PEMT: variants seen among roughly 807,000 people sequenced by gnomAD.
The protein encoded by PEMT is phospholipid methyltransferase.
In PEMT, 23 loss-of-function variants were observed where a neutral mutation model predicts 27.4. The ratio of observed to expected loss-of-function variants is 0.84; its 90% CI spans 0.60 to 1.19. The LOEUF is 1.19. PEMT is among the 50% of genes most tolerant of loss of function. The probability of loss-of-function intolerance (pLI) is 0.00; values close to 1 mark genes in which losing one functional copy is unlikely to be tolerated. For synonymous variants in PEMT, 137 were observed against 139.1 expected, an observed-to-expected ratio of 0.98 and a Z score of 0.11; for missense variants, 307 against 310.1, an observed-to-expected ratio of 0.99 and a Z score of 0.07.
chr17:17,578,801 T>C (rs1323782589), intron 1 of PEMT: 3 of 151,910 alleles, frequency 2.0e-5, no homozygotes, highest in African/African-American at 4.8e-5. Context: ...AGGGGAAGGA[T>C]AGCATTAGGA....
In PEMT at chr17:17,549,242, T is replaced by A. The variant is rs186162299; in HGVS notation, c.205-26847A>T. Among the ~76,000 whole-genome samples the A allele has an allele frequency of 5.9e-5, 9 of 152,214 alleles. No homozygotes were observed. In the East Asian group the frequency reaches 1.7e-3, roughly 29 times the overall value. On this transcript the variant is annotated intron_variant, in intron 2 of 6. Coordinates refer to ENST00000255389, the MANE Select transcript of PEMT (RefSeq NM_148172.3). ...TCTCACTCTGTCGCCCAGGCTGGAG[T>A]GCAGTGGCACAATCTTGGCTCACTG...
chr17:17,567,564 G>A (rs968121294), intron 2 of PEMT, among the ~76,000 whole-genome samples: 1 of 152,272 alleles, frequency 6.6e-6, no homozygotes, highest in African/African-American at 2.4e-5. Flanking sequence ...ACATCAAGGG[G>A]CCAGGGGAGT....
chr17:17,509,299 G>A (rs1455182830), intron 5 of PEMT, 135 bp downstream of exon 5: 1 of 620,572 alleles, frequency 1.6e-6, no homozygotes, highest in African/African-American at 1.9e-5. Context: ...GAGAACCAGG[G>A]CGCCTAGGCC....
chr17:17,588,006 C>T (rs540214818), intron 1 of PEMT, among the ~76,000 whole-genome samples: 1 of 152,346 alleles, frequency 6.6e-6, no homozygotes, highest in Admixed American at 6.5e-5. Flanking sequence ...AGCCAGAGAT[C>T]ACCCCAGGAA....
chr17:17,521,752 A>T lies in PEMT; in HGVS notation c.320+528T>A, dbSNP rs191217421. ...CGGCTAATTTTTGTATTTTTAGTAG[A>T]GACGGAGTTTCATCATGTTGGCCAG... On this transcript the variant is annotated intron_variant, in intron 3 of 6. Coordinates refer to ENST00000255389, the MANE Select transcript of PEMT (RefSeq NM_148172.3). Among the ~76,000 whole-genome samples, 3 of 152,226 alleles carry T rather than the reference A, an allele frequency of 2.0e-5. No homozygotes were observed. In the East Asian group the frequency reaches 5.8e-4, roughly 29 times the overall value.
chr17:17,556,083 C>T (rs1265016500), intron 2 of PEMT, among the ~76,000 whole-genome samples: 6 of 152,250 alleles, frequency 3.9e-5, no homozygotes, highest in Non-Finnish European at 8.8e-5. Flanking sequence ...AGCAGTCACA[C>T]GTCGCACTGA....
chr17:17,545,633 T>C (rs1030760588), intron 2 of PEMT, among the ~76,000 whole-genome samples: 2 of 152,192 alleles, frequency 1.3e-5, no homozygotes, highest in East Asian at 1.9e-4. Flanking sequence ...AGCCCATGAC[T>C]CATTCATTCA....
intron 3 of PEMT, among the ~76,000 whole-genome samples, chr17:17,516,292 C>G (rs1055734734): frequency 6.6e-6 from 1 of 151,934 alleles, no homozygotes; most frequent in Non-Finnish European, 1.5e-5. Context: ...AAGCATGTAA[C>G]TACTAAAACA....
At chr17:17,530,125 G>T (rs1311672528) in intron 2 of PEMT, among the ~76,000 whole-genome samples, 2 of 152,230 alleles carry the variant, frequency 1.3e-5, no homozygotes, top group Non-Finnish European at 2.9e-5. Flanking sequence ...TTACCTACAG[G>T]TGAGGGAGGA....
At chr17:17,529,671 C>T (rs1907949207) in intron 2 of PEMT, among the ~76,000 whole-genome samples, 1 of 152,222 alleles carries the variant, frequency 6.6e-6, no homozygotes, top group Non-Finnish European at 1.5e-5. Context: ...GGGGGACACT[C>T]GCCTCCCCCA....
chr17:17,591,708 T>A lies in PEMT; in HGVS notation c.-82A>T. The A allele has an allele frequency of 6.6e-7, 1 of 1,510,198 alleles. No homozygotes were observed. Among genetic ancestry groups the A allele is most frequent in the East Asian group, 2.5e-5 (1 of 40,128 alleles). 93.5% of individuals were successfully genotyped at this position (1,510,198 alleles called of 1,614,324 possible). On this transcript the variant is annotated 5_prime_UTR_variant, in exon 1 of 7. Coordinates refer to ENST00000255389, the MANE Select transcript of PEMT (RefSeq NM_148172.3). ...AACCGGACCTATAGAGCCGGGTAAG[T>A]GCCGCCAGTCGGGGCGCTTTCCCGG... is the stretch of plus-strand genomic sequence containing the variant.
chr17:17,543,231 G>A (rs1007214461), intron 2 of PEMT, among the ~76,000 whole-genome samples: 2 of 152,222 alleles, frequency 1.3e-5, no homozygotes, highest in South Asian at 4.1e-4. Context: ...CCACTGCCAG[G>A]GCGTTCTTCC....
At chr17:17,543,068 C>T (rs1007517037) in intron 2 of PEMT, among the ~76,000 whole-genome samples, 4 of 152,220 alleles carry the variant, frequency 2.6e-5, no homozygotes, top group South Asian at 2.1e-4. Context: ...GCAGCACCAC[C>T]GGGGAAGCAT....
chr17:17,570,694 C>A lies in PEMT; in HGVS notation c.204+6226G>T, dbSNP rs534540833. 1.8e-5 allele frequency: 18 copies of A among 985,214 alleles called. No individual in the cohort carries two copies. The Middle Eastern group carries it at 2.6e-3, about 141-fold the overall frequency. 61.0% of individuals were successfully genotyped at this position (985,214 alleles called of 1,614,324 possible). ...GAGGACGCCTGCCAGAAGGGCCTCC[C>A]GGGACAGGGGAAAAGTTCCATTTCC... is the stretch of plus-strand genomic sequence containing the variant. On this transcript the variant is annotated intron_variant, in intron 2 of 6. Coordinates refer to ENST00000255389, the MANE Select transcript of PEMT (RefSeq NM_148172.3).
At chr17:17,579,000 T>G (rs941541348) in intron 1 of PEMT, among the ~76,000 whole-genome samples, 2 of 152,244 alleles carry the variant, frequency 1.3e-5, no homozygotes, top group Non-Finnish European at 2.9e-5. Flanking sequence ...GCTGTGATCT[T>G]TCCCATAATG....
chr17:17,572,521 C>T (rs1487693496), intron 2 of PEMT, among the ~76,000 whole-genome samples: 1 of 152,204 alleles, frequency 6.6e-6, no homozygotes, highest in African/African-American at 2.4e-5. Flanking sequence ...TGCTCTTCCC[C>T]AGACACCTGA....
intron 2 of PEMT, among the ~76,000 whole-genome samples, chr17:17,565,866 G>A (rs574417844): frequency 6.6e-6 from 1 of 152,372 alleles, no homozygotes; most frequent in South Asian, 2.1e-4. Flanking sequence ...GGGAGCAGTG[G>A]CTGAAAGAGG....
intron 2 of PEMT, among the ~76,000 whole-genome samples, chr17:17,543,363 C>T (rs1222687071): frequency 6.6e-6 from 1 of 152,222 alleles, no homozygotes; most frequent in African/African-American, 2.4e-5. Context: ...AGGACCCAGC[C>T]CTTCACCACA....
chr17:17,568,816 C>T (rs1271702747), intron 2 of PEMT, among the ~76,000 whole-genome samples: 4 of 152,142 alleles, frequency 2.6e-5, no homozygotes, highest in Non-Finnish European at 4.4e-5. Context: ...GGAGCACCCA[C>T]ACCTTTTCTT....
Sources: allele counts gnomAD v4.1 joint callset (sites outside exome capture counted in the v4.1 genomes callset), GRCh38; gene constraint gnomAD v4.1.1; transcripts MANE v1.5; gene names NCBI Gene and HGNC (gene_info 2026-07-23, HGNC 2026-07-21).